Variants in TMOD1 observed in about 807,000 individuals in gnomAD.
The protein encoded by TMOD1 is tropomodulin-1.
TMOD1 carries 17 observed loss-of-function variants against 40.6 expected under a neutral mutation model. The ratio of observed to expected loss-of-function variants is 0.42; its 90% CI spans 0.29 to 0.63. The LOEUF is 0.63. TMOD1 is among the 20% of genes least tolerant of loss of function. TMOD1 has a pLI of 0.22. For synonymous variants in TMOD1, 181 were observed against 175.0 expected, an observed-to-expected ratio of 1.03 and a Z score of -0.27; for missense variants, 391 against 447.6, an observed-to-expected ratio of 0.87 and a Z score of 1.14.
Position 97,599,620 on chromosome 9 carries a change from C to T in TMOD1, c.1016-14C>T. ...GGGAAAAGTGCCTTATATCTTATCT[C>T]CATTCCTTTCCAGTGAGGAAGAGGA... On this transcript the variant is annotated splice_polypyrimidine_tract_variant and intron_variant, in intron 9 of 9. Coordinates refer to ENST00000259365, the MANE Select transcript of TMOD1 (RefSeq NM_003275.4). 6.2e-7 allele frequency: 1 copy of T among 1,614,162 alleles called. No homozygotes were observed. Among genetic ancestry groups the T allele is most frequent in the South Asian group, 1.1e-5 (1 of 91,086 alleles).
chr9:97,533,403 T>C (rs1830132745), intron 2 of TMOD1, among the ~76,000 whole-genome samples: 1 of 152,272 alleles, frequency 6.6e-6, no homozygotes, highest in African/African-American at 2.4e-5. Flanking sequence ...CTGGGAACCA[T>C]ACTGTATGGC....
intron 4 of TMOD1, among the ~76,000 whole-genome samples, chr9:97,556,109 T>G (rs576637780): frequency 5.0e-5 from 7 of 140,088 alleles, no homozygotes; most frequent in South Asian, 2.4e-4. Flanking sequence ...GAGGAGGGGG[T>G]GTTCTGGAGG....
intron 8 of TMOD1, among the ~76,000 whole-genome samples, chr9:97,571,869 A>C (rs1325195515): frequency 6.6e-6 from 1 of 152,174 alleles, no homozygotes; most frequent in Non-Finnish European, 1.5e-5. Context: ...CCATCCAGTG[A>C]GCCTCTTCTT....
rs1191809029 is a variant in TMOD1 at position 97,600,029 on chromosome 9, G to A, written c.*331G>A. 9.1e-7 allele frequency: 1 copy of A among 1,103,070 alleles called. No homozygotes were observed. Among genetic ancestry groups the A allele is most frequent in the Non-Finnish European group, 1.1e-6 (1 of 899,430 alleles). 68.3% of individuals were successfully genotyped at this position (1,103,070 alleles called of 1,614,324 possible). A position where few individuals can be genotyped will look rare whatever the true frequency, so the allele number is the denominator to read the frequency against. On this transcript the variant is annotated 3_prime_UTR_variant, in exon 10 of 10. Transcript: ENST00000259365. ...AGTTTCAATGGCCTTGCTGTGTGGT[G>A]TTTCAAGTGCATTTAAAATGTGTGA...
Position 97,513,137 on chromosome 9 carries a change from G to A in TMOD1, c.-48-11004G>A, listed in dbSNP as rs1386203508. ...ACTGTTGATTTATGCTGGGTCTACA[G>A]TCACCGGAGAGCCCCACATCTTTCT... On this transcript the variant is annotated intron_variant, in intron 1 of 9. Coordinates refer to ENST00000259365, the MANE Select transcript of TMOD1 (RefSeq NM_003275.4). The surrounding 1 kb of genome is among the most constrained non-coding windows in gnomAD (Gnocchi z 4.1). The A allele has an allele frequency of 2.6e-5, 4 of 152,358 alleles. No individual in the cohort carries two copies. In the East Asian group the frequency reaches 7.7e-4, roughly 29 times the overall value. The allele number at this position is 152,358 out of a possible 1,614,324, so 9.4% of individuals were successfully genotyped here.
chr9:97,528,729 C>T (rs1020736154), intron 2 of TMOD1, among the ~76,000 whole-genome samples: 1 of 152,190 alleles, frequency 6.6e-6, no homozygotes, highest in Non-Finnish European at 1.5e-5. Flanking sequence ...GCCCCTCCCA[C>T]GGCTTCAGAG....
At chr9:97,572,673 T>A (rs1830839360) in intron 8 of TMOD1, among the ~76,000 whole-genome samples, 1 of 152,116 alleles carries the variant, frequency 6.6e-6, no homozygotes, top group South Asian at 2.1e-4. Flanking sequence ...CATTCCTGGT[T>A]AGTCACCGAG....
In TMOD1 at chr9:97,600,245, T is replaced by TAGAC. The variant is rs1209247070; in HGVS notation, c.*552_*555dup. ...AACACAATTTTCCCCTCAGAACAGA[T>TAGAC]AGACAGACTGAAGCCACTGAACTCT... On this transcript the variant is annotated 3_prime_UTR_variant, in exon 10 of 10. Coordinates refer to ENST00000259365, the MANE Select transcript of TMOD1 (RefSeq NM_003275.4). The TAGAC allele has an allele frequency of 2.0e-6, 2 of 987,960 alleles. No homozygotes were observed. The highest frequency in any genetic ancestry group is 1.7e-5 in the African/African-American group (1 of 57,234). 61.2% of individuals were successfully genotyped at this position (987,960 alleles called of 1,614,324 possible). A position where few individuals can be genotyped will look rare whatever the true frequency, so the allele number is the denominator to read the frequency against.
In TMOD1 at chr9:97,599,845, G is replaced by GTGGT. The variant is rs1220406090; in HGVS notation, c.*150_*153dup. On this transcript the variant is annotated 3_prime_UTR_variant, in exon 10 of 10. Transcript: ENST00000259365. ...ATGCACTAAGGTTTTAGGTTGACTAGTGGTTGTAGTTGAAAATTTTATAAA... is the reference window on the plus strand; with the variant it reads ...ATGCACTAAGGTTTTAGGTTGACTAGTGGTTGGTTGTAGTTGAAAATTTTATAAA... 5 of 1,440,380 alleles carry GTGGT rather than the reference G, an allele frequency of 3.5e-6. No homozygotes were observed. In the East Asian group the frequency reaches 1.0e-4, roughly 29 times the overall value. The allele number at this position is 1,440,380 out of a possible 1,614,324, so 89.2% of individuals were successfully genotyped here. A position where few individuals can be genotyped will look rare whatever the true frequency, so the allele number is the denominator to read the frequency against.
rs375243128 is a variant in TMOD1, at chr9:97,553,261, G to C, written c.278-20G>C. 12 of 1,613,562 alleles carry C rather than the reference G, an allele frequency of 7.4e-6. No homozygotes were observed. The highest frequency in any genetic ancestry group is 9.3e-6 in the Non-Finnish European group (11 of 1,179,970). Reference sequence around the variant, plus strand: ...TTCCATTGCAGCCACTCCCGTAACAGGTCCCCTGTGTGTTTGCAGGAAAGG... The same window carrying C: ...TTCCATTGCAGCCACTCCCGTAACACGTCCCCTGTGTGTTTGCAGGAAAGG... On this transcript the variant is annotated intron_variant, in intron 3 of 9. Coordinates refer to ENST00000259365, the MANE Select transcript of TMOD1 (RefSeq NM_003275.4).
Position 97,596,296 on chromosome 9 carries a change from A to G in TMOD1, c.1016-3338A>G, listed in dbSNP as rs1826108669. On this transcript the variant is annotated intron_variant, in intron 9 of 9. Coordinates refer to ENST00000259365, the MANE Select transcript of TMOD1 (RefSeq NM_003275.4). The stretch of plus-strand genomic sequence containing the variant: ...GGCAGGCACCCCTGGCACTCATCCC[A>G]AGTCTCCTTCCGAAGCTTGCCTTGT... Among the ~76,000 whole-genome samples the G allele has an allele frequency of 2.0e-5, 3 of 151,970 alleles. No homozygotes were observed. The South Asian group carries it at 6.3e-4, about 32-fold the overall frequency.
chr9:97,552,766 G>A (rs1176988145), intron 3 of TMOD1, among the ~76,000 whole-genome samples: 1 of 152,128 alleles, frequency 6.6e-6, no homozygotes, highest in African/African-American at 2.4e-5. Context: ...CTATGGGTGG[G>A]CATGACAGTG....
At chr9:97,524,489 A>G (rs1355890771) in intron 2 of TMOD1, among the ~76,000 whole-genome samples, 181 bp downstream of exon 2, 2 of 131,352 alleles carry the variant, frequency 1.5e-5, no homozygotes, top group Non-Finnish European at 3.1e-5. Context: ...GAAAGAGAGA[A>G]CCAATAGGGT....
At chr9:97,507,929 T>C (rs1457363876) in intron 1 of TMOD1, among the ~76,000 whole-genome samples, 1 of 152,106 alleles carries the variant, frequency 6.6e-6, no homozygotes, top group African/African-American at 2.4e-5. Context: ...TAAGGCGGAC[T>C]CCGGATCAGT....
intron 2 of TMOD1, among the ~76,000 whole-genome samples, chr9:97,525,777 C>T (rs1212924402): frequency 6.6e-6 from 1 of 152,250 alleles, no homozygotes; most frequent in African/African-American, 2.4e-5. Context: ...CTTCTTTGCT[C>T]ATTGATTCAG....
intron 7 of TMOD1, among the ~76,000 whole-genome samples, chr9:97,568,060 C>T (rs968847976): frequency 1.3e-5 from 2 of 152,208 alleles, no homozygotes; most frequent in Non-Finnish European, 2.9e-5. Context: ...GCCACCTAAG[C>T]TCCTCTTCTC....
intron 2 of TMOD1, 39 bp downstream of exon 2, chr9:97,524,347 AGGGGACCT>A: frequency 6.2e-7 from 1 of 1,605,292 alleles, no homozygotes; most frequent in Non-Finnish European, 8.5e-7. Flanking sequence ...GTCACTAGCG[AGGGGACCT>A]GGGGAGGGAC....
At chr9:97,559,788 A>ATATAT (rs1399142102) in intron 4 of TMOD1, among the ~76,000 whole-genome samples, 3 of 51,300 alleles carry the variant, frequency 5.8e-5, no homozygotes, top group African/African-American at 8.2e-5. Flanking sequence ...AAAAAAAAAA[A>ATATAT]AAAAAAATAT....
chr9:97,526,651 C>G (rs185549541), intron 2 of TMOD1, among the ~76,000 whole-genome samples: 1 of 152,082 alleles, frequency 6.6e-6, no homozygotes, highest in African/African-American at 2.4e-5. Context: ...CTCACTCACC[C>G]AGAGATGGTC....
Sources: allele counts gnomAD v4.1 joint callset (sites outside exome capture counted in the v4.1 genomes callset), GRCh38; gene constraint gnomAD v4.1.1; non-coding constraint Gnocchi (gnomAD v3.1); transcripts MANE v1.5; gene names NCBI Gene and HGNC (gene_info 2026-07-23, HGNC 2026-07-21).